Variants in TCF24 observed in about 807,000 individuals in gnomAD.
TCF24 encodes transcription factor 24.
In TCF24, 5 loss-of-function variants were observed where a neutral mutation model predicts 9.3. The observed-to-expected ratio is 0.54, with a 90% CI of 0.28 to 1.13. The LOEUF (loss-of-function observed/expected upper bound fraction) is 1.13, where lower values mean the gene tolerates loss of function less well. Ranked by LOEUF, TCF24 falls within the 50% of genes most tolerant of loss-of-function variation. TCF24 has a pLI of 0.09. For missense variants in TCF24, 220 were observed against 236.1 expected (o/e 0.93, Z 0.45); for synonymous variants, 110 against 115.8 (o/e 0.95, Z 0.32).
At chr8:66,951,985 TTTTTTC>T (rs1814066303) in intron 3 of TCF24, among the ~76,000 whole-genome samples, 1 of 147,172 alleles carries the variant, frequency 6.8e-6, no homozygotes, top group Non-Finnish European at 1.5e-5. Context: ...TCTTCTCTCT[TTTTTTC>T]TTTATTAGTC....
chr8:66,959,887 C>T (rs1352347419), intron 3 of TCF24, among the ~76,000 whole-genome samples: 1 of 152,114 alleles, frequency 6.6e-6, no homozygotes, highest in Admixed American at 6.5e-5. Flanking sequence ...CAAAAAGACG[C>T]TTGCTATGCT....
rs369573853 is a variant in TCF24, at chr8:66,947,801, G to C, written c.*250C>G. 50 of 290,128 alleles carry C rather than the reference G, an allele frequency of 1.7e-4. No individual in the cohort carries two copies. Among genetic ancestry groups the C allele is most frequent in the African/African-American group, 1.1e-3 (50 of 46,240 alleles). 18.0% of individuals were successfully genotyped at this position (290,128 alleles called of 1,614,324 possible). A position where few individuals can be genotyped will look rare whatever the true frequency, so the allele number is the denominator to read the frequency against. On this transcript the variant is annotated 3_prime_UTR_variant, in exon 4 of 4. Coordinates refer to ENST00000563496, the MANE Select transcript of TCF24 (RefSeq NM_001193502.2). ...TATATACACAATTGTTTGCTTTCAT[G>C]TGACTTTTTTCTAATAATTTCTCTT...
Position 66,954,555 on chromosome 8 carries a change from G to A in TCF24, c.391-6391C>T, listed in dbSNP as rs368365467. On this transcript the variant is annotated intron_variant, in intron 3 of 3. Coordinates refer to ENST00000563496, the MANE Select transcript of TCF24 (RefSeq NM_001193502.2). ...GTTACTGCTGTCTTTTTGTTTGTCT[G>A]TGCCCTGCCCCCAGAGGTGGAGCCT... Among the ~76,000 whole-genome samples, 55 of 152,324 alleles carry A rather than the reference G, an allele frequency of 3.6e-4. 1 individual carries two copies. The East Asian group carries it at 0.01, about 28-fold the overall frequency.
chr8:66,950,647 T>C (rs919858331), intron 3 of TCF24, among the ~76,000 whole-genome samples: 20 of 152,220 alleles, frequency 1.3e-4, no homozygotes, highest in Non-Finnish European at 1.9e-4. Flanking sequence ...GGTAGCTTTA[T>C]GGGGATGGCA....
At position 66,961,427 on chromosome 8, in the gene TCF24, C is replaced by G; in HGVS notation, c.339G>C (p.Ala113=). 6.6e-7 allele frequency: 1 copy of G among 1,519,640 alleles called. No homozygotes were observed. Among genetic ancestry groups the G allele is most frequent in the Non-Finnish European group, 8.8e-7 (1 of 1,140,014 alleles). The allele number at this position is 1,519,640 out of a possible 1,614,324, so 94.1% of individuals were successfully genotyped here. The part of the protein sequence containing the change: ...RSLQDDAEAP[A]DAGLGALRGD... ...CGCGCAGGGCGCCCAACCCGGCGTC[C>G]GCCGGCGCCTCGGCGTCGTCCTGCA... The change falls in exon 3 of 4, where the codon GCG becomes GCC. Residue 113 remains alanine, a synonymous_variant. Coordinates refer to ENST00000563496, the MANE Select transcript of TCF24 (RefSeq NM_001193502.2).
chr8:66,954,168 T>A (rs994980432), intron 3 of TCF24, among the ~76,000 whole-genome samples: 1 of 152,228 alleles, frequency 6.6e-6, no homozygotes, highest in Non-Finnish European at 1.5e-5. Flanking sequence ...GGAGGAGAGG[T>A]GCTCTGCATT....
At chr8:66,961,242 G>T in intron 3 of TCF24, 134 bp downstream of exon 3, 1 of 1,219,906 alleles carries the variant, frequency 8.2e-7, no homozygotes, top group Non-Finnish European at 1.1e-6. Context: ...CTCGCGGGCC[G>T]AGGTCGTTCT....
Position 66,954,148 on chromosome 8 carries a change from T to C in TCF24, c.391-5984A>G, listed in dbSNP as rs1218603236. Among the ~76,000 whole-genome samples, 9 of 152,390 alleles carry C rather than the reference T, an allele frequency of 5.9e-5. No individual in the cohort carries two copies. In the East Asian group the frequency reaches 1.7e-3, roughly 29 times the overall value. ...GTTCCGTTGCTGGTGAGGAACTGCG[T>C]TCCTTTGGAGGAGGAGAGGTGCTCT... On this transcript the variant is annotated intron_variant, in intron 3 of 3. Transcript: ENST00000563496.
chr8:66,961,702 C>A lies in TCF24; in HGVS notation c.64G>T (p.Ala22Ser). 9.2e-7 allele frequency: 1 copy of A among 1,089,124 alleles called. No individual in the cohort carries two copies. Among genetic ancestry groups the A allele is most frequent in the Non-Finnish European group, 1.1e-6 (1 of 897,854 alleles). 67.5% of individuals were successfully genotyped at this position (1,089,124 alleles called of 1,614,324 possible). ...CCGGGACGCGAGTCGCGGATGGCGG[C>A]GGCCAGGGGCGCGGGCTCGGCGCTG... ...SASAEPAPLA[A>S]AIRDSRPGRT... The change falls in exon 3 of 4, where the codon GCC (alanine) becomes TCC (serine). Residue 22 changes from alanine to serine, a missense_variant. Coordinates refer to ENST00000563496, the MANE Select transcript of TCF24 (RefSeq NM_001193502.2).
At chr8:66,956,097 T>C (rs1563407092) in intron 3 of TCF24, among the ~76,000 whole-genome samples, 1 of 151,630 alleles carries the variant, frequency 6.6e-6, no homozygotes, top group Non-Finnish European at 1.5e-5. Context: ...GCTGGGCTAA[T>C]TAAAAACTTG....
intron 3 of TCF24, among the ~76,000 whole-genome samples, chr8:66,950,494 C>G (rs955434783): frequency 5.3e-5 from 8 of 152,110 alleles, no homozygotes; most frequent in African/African-American, 1.4e-4. Context: ...GTTACTGTAG[C>G]CTTGTAGTAT....
At chr8:66,949,250 C>T (rs1269330175) in intron 3 of TCF24, among the ~76,000 whole-genome samples, 1 of 151,984 alleles carries the variant, frequency 6.6e-6, no homozygotes, top group Non-Finnish European at 1.5e-5. Context: ...GCTATCCCTC[C>T]CCCCTCCTCC....
rs747501351 is a variant in TCF24, at chr8:66,948,702, TCTA to T, written c.391-541_391-539del. On this transcript the variant is annotated intron_variant, in intron 3 of 3. Coordinates refer to ENST00000563496, the MANE Select transcript of TCF24 (RefSeq NM_001193502.2). ...ATCTATCTATCTATCTATCTATCTA[TCTA>T]TTTTTTTTGAGACGGAGTCTCGCTC... Among the ~76,000 whole-genome samples the T allele has an allele frequency of 3.9e-3, 586 of 148,356 alleles. 2 individuals are homozygous for T. Among genetic ancestry groups the T allele is most frequent in the African/African-American group, 9.0e-3 (362 of 40,046 alleles).
intron 3 of TCF24, 136 bp downstream of exon 3, chr8:66,961,240 C>T: frequency 8.2e-7 from 1 of 1,213,220 alleles, no homozygotes; most frequent in East Asian, 3.2e-5. Context: ...CCCTCGCGGG[C>T]CGAGGTCGTT....
chr8:66,960,174 C>T (rs1470113247), intron 3 of TCF24, among the ~76,000 whole-genome samples: 2 of 152,074 alleles, frequency 1.3e-5, no homozygotes, highest in Non-Finnish European at 2.9e-5. Flanking sequence ...GACTTTTCTG[C>T]TGAGATTATA....
chr8:66,958,500 T>C (rs889133277), intron 3 of TCF24, among the ~76,000 whole-genome samples: 13 of 152,122 alleles, frequency 8.5e-5, no homozygotes, highest in African/African-American at 3.1e-4. Context: ...CCATGTCTAC[T>C]AAATACAAAA....
chr8:66,953,588 CT>C (rs1252694422), intron 3 of TCF24, among the ~76,000 whole-genome samples: 1 of 150,932 alleles, frequency 6.6e-6, no homozygotes, highest in Non-Finnish European at 1.5e-5. Flanking sequence ...AGTTGCTCTT[CT>C]CGAGGAGTAT....
intron 3 of TCF24, among the ~76,000 whole-genome samples, chr8:66,957,936 A>AATC (rs1192610467): frequency 5.9e-5 from 9 of 151,494 alleles, no homozygotes; most frequent in Non-Finnish European, 1.2e-4. Context: ...AATTGCTCTA[A>AATC]ATCATTCAGC....
At chr8:66,958,553 C>T (rs995365941) in intron 3 of TCF24, among the ~76,000 whole-genome samples, 19 of 152,052 alleles carry the variant, frequency 1.2e-4, no homozygotes, top group African/African-American at 4.1e-4. Flanking sequence ...CCCAGCTACT[C>T]GGGAAGCTGA....
Sources: allele counts gnomAD v4.1 joint callset (sites outside exome capture counted in the v4.1 genomes callset), GRCh38; gene constraint gnomAD v4.1.1; transcripts MANE v1.5; gene names NCBI Gene and HGNC (gene_info 2026-07-23, HGNC 2026-07-21).